HAGH: variants seen among roughly 807,000 people sequenced by gnomAD.
The protein encoded by HAGH is hydroxyacylglutathione hydrolase.
A neutral mutation model predicts 35.1 loss-of-function variants in HAGH; 29 were observed. The observed-to-expected ratio is 0.83, with a 90% CI of 0.62 to 1.13. The LOEUF is 1.13. Among genes scored for constraint, HAGH ranks in the 50% most tolerant of loss-of-function variants. HAGH has a pLI of 0.00. For missense variants in HAGH, 478 were observed against 419.6 expected, an observed-to-expected ratio of 1.14 and a Z score of -1.22; for synonymous variants, 225 against 176.1, an observed-to-expected ratio of 1.28 and a Z score of -2.20.
chr16:1,809,309 CCTT>C lies in HAGH; in HGVS notation c.898_900del (p.Lys300del). 1 of 1,613,422 alleles carries C rather than the reference CCTT, an allele frequency of 6.2e-7. No homozygotes were observed. Among genetic ancestry groups the C allele is most frequent in the Non-Finnish European group, 8.5e-7 (1 of 1,179,548 alleles). On this transcript the variant is annotated inframe_deletion, in exon 9 of 9. Coordinates refer to ENST00000397356, the MANE Select transcript of HAGH (RefSeq NM_005326.6). ...CAGTCCCGGGGCATCTTGAACTGGTCCTTCTCCCTGCGCACGGCCCGCATGGTG... is the reference window on the plus strand; with the variant it reads ...CAGTCCCGGGGCATCTTGAACTGGTCCTCCCTGCGCACGGCCCGCATGGTG...
Position 1,819,148 on chromosome 16 carries a change from G to A in HAGH, c.508C>T (p.Pro170Ser), listed in dbSNP as rs1366689692. Residue 170 changes from proline (P) to serine (S), a missense_variant, in exon 5 of 9, where the codon CCC becomes TCC. Transcript: ENST00000397356. ...SGHICYFVSK[P>S]GGSEPPAVFT... Reference sequence around the variant, plus strand: ...ACGGCAGGGGGCTCCGAGCCTCCGGGCTTGCTCACGAAGTAACAAATGTGT... The same window carrying A: ...ACGGCAGGGGGCTCCGAGCCTCCGGACTTGCTCACGAAGTAACAAATGTGT... The A allele has an allele frequency of 1.2e-6, 2 of 1,612,740 alleles. No homozygotes were observed. The highest frequency in any genetic ancestry group is 1.7e-5 in the Admixed American group (1 of 59,978).
At chr16:1,819,775 G>A (rs919688212) in intron 4 of HAGH, 122 bp downstream of exon 4, 4 of 717,554 alleles carry the variant, frequency 5.6e-6, no homozygotes, top group Admixed American at 2.1e-5. Flanking sequence ...CTGCCACAGA[G>A]GACCACTGAG....
In HAGH at chr16:1,817,218, C is replaced by T. The variant is rs1897945246; in HGVS notation, c.595G>A (p.Glu199Lys). The T allele has an allele frequency of 6.2e-7, 1 of 1,613,586 alleles. No homozygotes were observed. The highest frequency in any genetic ancestry group is 8.5e-7 in the Non-Finnish European group (1 of 1,179,594). The part of the protein sequence containing the change: ...CGKFYEGTAD[E>K]MCKALLEVLG... ...ACCTCCAGCAGAGCTTTACACATCTCATCCGCAGTCCCTTCATAGAACTTC... is the reference window on the plus strand; with the variant it reads ...ACCTCCAGCAGAGCTTTACACATCTTATCCGCAGTCCCTTCATAGAACTTC... Residue 199 changes from glutamate to lysine, a missense_variant, in exon 6 of 9, where the codon GAG becomes AAG. Coordinates refer to ENST00000397356, the MANE Select transcript of HAGH (RefSeq NM_005326.6).
intron 7 of HAGH, among the ~76,000 whole-genome samples, chr16:1,813,053 G>A (rs535575844): frequency 7.9e-5 from 12 of 152,296 alleles, no homozygotes; most frequent in African/African-American, 2.4e-4. Flanking sequence ...GTGTTCACAC[G>A]GGGCTGCGGC....
Position 1,812,226 on chromosome 16 carries a change from C to T in HAGH, c.748-2393G>A, listed in dbSNP as rs1297036964. 5 of 144,892 alleles carry T rather than the reference C, an allele frequency of 3.5e-5. No homozygotes were observed. In the Admixed American group the frequency reaches 3.5e-4, roughly 10 times the overall value. 9.0% of individuals were successfully genotyped at this position (144,892 alleles called of 1,614,324 possible). On this transcript the variant is annotated intron_variant, in intron 7 of 8. Coordinates refer to ENST00000397356, the MANE Select transcript of HAGH (RefSeq NM_005326.6). ...AAAAAAAAAAAAAAAGAATGACAGGCCAGGCACAGTGGCTCACGCCTGTAA... is the reference window on the plus strand; with the variant it reads ...AAAAAAAAAAAAAAAGAATGACAGGTCAGGCACAGTGGCTCACGCCTGTAA...
intron 7 of HAGH, chr16:1,810,157 C>A: frequency 4.5e-6 from 1 of 221,948 alleles, no homozygotes; most frequent in Non-Finnish European, 8.2e-6. Context: ...GACATCACGT[C>A]TCAAAAAATG....
chr16:1,821,064 C>G (rs1186838102), intron 3 of HAGH, among the ~76,000 whole-genome samples: 7 of 152,140 alleles, frequency 4.6e-5, no homozygotes, highest in African/African-American at 1.7e-4. Context: ...CACCAGGGTC[C>G]CCAGGAGGAG....
At chr16:1,823,088 A>G in intron 1 of HAGH, 51 bp from the exon 2 acceptor site, 1 of 1,522,206 alleles carries the variant, frequency 6.6e-7, no homozygotes, top group Non-Finnish European at 9.1e-7. Flanking sequence ...GCCCTCCACG[A>G]CAGGACGCGC....
chr16:1,815,683 A>T (rs1897857365), intron 7 of HAGH, among the ~76,000 whole-genome samples: 1 of 152,186 alleles, frequency 6.6e-6, no homozygotes, highest in Admixed American at 6.5e-5. Flanking sequence ...ACACAAGTGC[A>T]AACATCATCA....
chr16:1,825,426 C>T (rs1898356016), intron 1 of HAGH, among the ~76,000 whole-genome samples: 1 of 152,178 alleles, frequency 6.6e-6, no homozygotes. Context: ...CAGCAGAAAC[C>T]GTATTCCCTT....
Position 1,821,957 on chromosome 16 carries a change from T to TTG in HAGH, c.314+342_314+343insCA, listed in dbSNP as rs1567261725. 3.1e-4 allele frequency: 66 copies of TTG among 210,500 alleles called. 2 individuals carry two copies. Among genetic ancestry groups the TTG allele is most frequent in the Middle Eastern group, 1.7e-3 (1 of 586 alleles). 13.0% of individuals were successfully genotyped at this position (210,500 alleles called of 1,614,324 possible). On this transcript the variant is annotated intron_variant, in intron 3 of 8. Coordinates refer to ENST00000397356, the MANE Select transcript of HAGH (RefSeq NM_005326.6). ...TTGTTTTTTTTTGTTTTTTTGTTTT[T>TTG]TTTTTTTTTAAAAACCACTCACCTG...
intron 5 of HAGH, among the ~76,000 whole-genome samples, chr16:1,817,766 G>A (rs947079618): frequency 4.6e-4 from 70 of 152,258 alleles, no homozygotes; most frequent in African/African-American, 1.5e-3. Flanking sequence ...TTCCGGCCTC[G>A]GCCTCAGGAC....
chr16:1,827,177 A>T, upstream of HAGH: 8 of 1,549,618 alleles, frequency 5.2e-6, no homozygotes, highest in Admixed American at 3.6e-5. Flanking sequence ...CCTCTCCGGG[A>T]TGCCGTAGGC....
At chr16:1,814,281 C>T (rs781677708) in intron 7 of HAGH, among the ~76,000 whole-genome samples, 3 of 151,996 alleles carry the variant, frequency 2.0e-5, no homozygotes, top group Non-Finnish European at 2.9e-5. Context: ...TCGAGTCCAG[C>T]CTGATCAACA....
At chr16:1,824,888 C>T (rs914003466) in intron 1 of HAGH, among the ~76,000 whole-genome samples, 6 of 152,216 alleles carry the variant, frequency 3.9e-5, no homozygotes, top group African/African-American at 1.4e-4. Context: ...AGCACCACCC[C>T]AGCCCAAGGA....
chr16:1,819,704 C>T (rs1007928788), intron 4 of HAGH, 193 bp downstream of exon 4: 4 of 619,874 alleles, frequency 6.5e-6, no homozygotes, highest in East Asian at 2.7e-5. Context: ...TTCACAGCCC[C>T]GCACACAGCC....
chr16:1,820,836 C>G (rs1312172000), intron 3 of HAGH, among the ~76,000 whole-genome samples: 1 of 152,194 alleles, frequency 6.6e-6, no homozygotes, highest in African/African-American at 2.4e-5. Flanking sequence ...CGCGGCACCA[C>G]AGGCCTTGGT....
intron 1 of HAGH, among the ~76,000 whole-genome samples, chr16:1,823,594 T>C (rs1898255718): frequency 6.6e-6 from 1 of 150,976 alleles, no homozygotes; most frequent in African/African-American, 2.4e-5. Context: ...AATTTAAAAA[T>C]TAGCCAGGCA....
chr16:1,817,840 G>C (rs57027787), intron 5 of HAGH, among the ~76,000 whole-genome samples: 14,040 of 152,234 alleles, frequency 0.092, 796 homozygotes, highest in African/African-American at 0.16. Context: ...GCTGCTTCGC[G>C]GCTGTCCTGG....
Sources: allele counts gnomAD v4.1 joint callset (sites outside exome capture counted in the v4.1 genomes callset), GRCh38; gene constraint gnomAD v4.1.1; transcripts MANE v1.5; gene names NCBI Gene and HGNC (gene_info 2026-07-23, HGNC 2026-07-21).